EPHA7: variants seen among roughly 807,000 people sequenced by gnomAD.
EPHA7 encodes EPH receptor A7.
Under a neutral mutation model 112.6 loss-of-function variants are expected in EPHA7, and 25 were observed. That is an observed-to-expected ratio of 0.22 (90% CI 0.16 to 0.31). The LOEUF is 0.31. EPHA7 is among the 10% of genes least tolerant of loss of function. EPHA7 has a pLI of 1.00. For synonymous variants in EPHA7, 437 were observed against 406.5 expected (o/e 1.07, Z -0.90); for missense variants, 962 against 1,212.6 (o/e 0.79, Z 3.07).
chr6:93,356,624 C>T (rs977108427), intron 5 of EPHA7, 93 bp downstream of exon 5: 4 of 1,174,698 alleles, frequency 3.4e-6, no homozygotes, highest in Non-Finnish European at 4.9e-6. Flanking sequence ...AAGAATCAAG[C>T]TCTGTGCAGA....
intron 14 of EPHA7, among the ~76,000 whole-genome samples, chr6:93,247,320 G>A (rs1348660395): frequency 2.0e-5 from 3 of 152,138 alleles, no homozygotes; most frequent in Non-Finnish European, 2.9e-5. Context: ...ATCTTTGTGA[G>A]TATCCATATG....
intron 5 of EPHA7, among the ~76,000 whole-genome samples, chr6:93,329,561 T>C (rs2127899252): frequency 6.6e-6 from 1 of 151,398 alleles, no homozygotes; most frequent in Admixed American, 6.6e-5. Flanking sequence ...ATTTTTCAAA[T>C]ACTTTTCCAA....
At chr6:93,310,012 C>T (rs1773451296) in intron 5 of EPHA7, among the ~76,000 whole-genome samples, 1 of 152,128 alleles carries the variant, frequency 6.6e-6, no homozygotes, top group African/African-American at 2.4e-5. Context: ...TCCTTAATTT[C>T]TTGACAGTTT....
intron 5 of EPHA7, among the ~76,000 whole-genome samples, chr6:93,302,466 A>G (rs147658881): frequency 1.3e-5 from 2 of 152,042 alleles, no homozygotes; most frequent in African/African-American, 4.8e-5. Context: ...AACAATTTCC[A>G]GGGTGCCACT....
intron 4 of EPHA7, 84 bp from the exon 5 acceptor site, chr6:93,357,136 G>T: frequency 9.0e-7 from 1 of 1,107,442 alleles, no homozygotes; most frequent in Admixed American, 2.7e-5. Flanking sequence ...GATCTGTGTG[G>T]GGCATTAAGC....
rs182620716 is a variant in EPHA7 at position 93,408,078 on chromosome 6, A to C, written c.832+2423T>G. 3.2e-4 allele frequency among the ~76,000 whole-genome samples: 49 copies of C among 152,108 alleles called. No individual in the cohort carries two copies. In the East Asian group the frequency reaches 7.2e-3, roughly 22 times the overall value. On this transcript the variant is annotated intron_variant, in intron 3 of 16. Transcript: ENST00000369303. Reference sequence around the variant, plus strand: ...TGAAACAACTGCCACAAAAACCCGTAATCTTCTTTAAAACCTTTAAAACAC... The same window carrying C: ...TGAAACAACTGCCACAAAAACCCGTCATCTTCTTTAAAACCTTTAAAACAC...
chr6:93,340,566 T>C (rs1405111752), intron 5 of EPHA7, among the ~76,000 whole-genome samples: 1 of 150,208 alleles, frequency 6.7e-6, no homozygotes, highest in Non-Finnish European at 1.5e-5. Context: ...ATTACAAAAC[T>C]CCAAAAAAAA....
intron 7 of EPHA7, 71 bp from the exon 8 acceptor site, chr6:93,264,773 G>C (rs1242561143): frequency 6.5e-6 from 5 of 766,670 alleles, no homozygotes; most frequent in Non-Finnish European, 1.0e-5. Context: ...AATAAAATTA[G>C]AGTTATCTTT....
intron 5 of EPHA7, among the ~76,000 whole-genome samples, chr6:93,350,103 G>C (rs915456074): frequency 6.6e-6 from 1 of 151,798 alleles, no homozygotes; most frequent in Non-Finnish European, 1.5e-5. Context: ...CAGGAAAGTC[G>C]GTCAGTTTAA....
chr6:93,254,508 T>G, intron 14 of EPHA7, 139 bp downstream of exon 14: 1 of 505,918 alleles, frequency 2.0e-6, no homozygotes, highest in Non-Finnish European at 3.2e-6. Context: ...TTTATGGTAA[T>G]TAGTGTGGTA....
At chr6:93,353,347 T>C (rs914918707) in intron 5 of EPHA7, among the ~76,000 whole-genome samples, 5 of 152,096 alleles carry the variant, frequency 3.3e-5, no homozygotes, top group Admixed American at 3.3e-4. Flanking sequence ...TAAAAGTATA[T>C]AAATATGAAT....
intron 5 of EPHA7, among the ~76,000 whole-genome samples, chr6:93,290,114 G>A (rs1369525749): frequency 1.3e-5 from 2 of 151,714 alleles, no homozygotes; most frequent in Non-Finnish European, 2.9e-5. Context: ...TGTCATATAT[G>A]TATATGTGCA....
intron 5 of EPHA7, among the ~76,000 whole-genome samples, chr6:93,276,580 A>G (rs1408210636): frequency 6.6e-6 from 1 of 152,064 alleles, no homozygotes; most frequent in Non-Finnish European, 1.5e-5. Flanking sequence ...AGTGTTTTAA[A>G]TTGTTCACTG....
At chr6:93,328,437 G>T (rs1003569793) in intron 5 of EPHA7, among the ~76,000 whole-genome samples, 1 of 151,408 alleles carries the variant, frequency 6.6e-6, no homozygotes, top group African/African-American at 2.4e-5. Context: ...ATCTTTGAAT[G>T]ATACAACAAT....
intron 5 of EPHA7, among the ~76,000 whole-genome samples, chr6:93,281,500 T>A (rs1368385805): frequency 1.3e-5 from 2 of 152,164 alleles, no homozygotes; most frequent in African/African-American, 4.8e-5. Context: ...AAATGATTTA[T>A]CAGGAAGTAT....
At chr6:93,257,228 AG>A (rs922086522) in intron 12 of EPHA7, among the ~76,000 whole-genome samples, 15 of 152,060 alleles carry the variant, frequency 9.9e-5, no homozygotes, top group Non-Finnish European at 1.5e-5. Flanking sequence ...TCCATACCTC[AG>A]GTAATAATAT....
chr6:93,357,077 T>A (rs771414132), intron 4 of EPHA7, 25 bp from the exon 5 acceptor site: 1 of 1,525,366 alleles, frequency 6.6e-7, no homozygotes, highest in Non-Finnish European at 8.8e-7. Context: ...AATAAATAAG[T>A]AAATAAGCAA....
intron 14 of EPHA7, among the ~76,000 whole-genome samples, chr6:93,247,963 A>C (rs1367100517): frequency 6.6e-6 from 1 of 152,138 alleles, no homozygotes; most frequent in African/African-American, 2.4e-5. Context: ...AAATGTTCCA[A>C]ATCTGAGCAG....
chr6:93,411,352 T>C (rs1259037203), intron 2 of EPHA7, among the ~76,000 whole-genome samples, 182 bp from the exon 3 acceptor site: 2 of 152,202 alleles, frequency 1.3e-5, no homozygotes, highest in Non-Finnish European at 2.9e-5. Context: ...TGGAACATAC[T>C]TATGCTGCTT....
Sources: allele counts gnomAD v4.1 joint callset (sites outside exome capture counted in the v4.1 genomes callset), GRCh38; gene constraint gnomAD v4.1.1; transcripts MANE v1.5; gene names NCBI Gene and HGNC (gene_info 2026-07-23, HGNC 2026-07-21).